The following RGS22 variants were observed in gnomAD, a reference collection of about 807,000 sequenced individuals.
RGS22 encodes regulator of G protein signaling 22.
RGS22 carries 148 observed loss-of-function variants against 172.9 expected under a neutral mutation model. The observed-to-expected ratio is 0.86, with a 90% CI of 0.75 to 0.98. The LOEUF is 0.98. RGS22 is among the 50% of genes least tolerant of loss of function. The probability of loss-of-function intolerance (pLI) is 0.00; values close to 1 mark genes in which losing one functional copy is unlikely to be tolerated. For synonymous variants in RGS22, 458 were observed against 480.2 expected, an observed-to-expected ratio of 0.95 and a Z score of 0.60; for missense variants, 1,347 against 1,440.8, an observed-to-expected ratio of 0.93 and a Z score of 1.05.
At chr8:100,089,672 T>A (rs1023284853) in intron 3 of RGS22, among the ~76,000 whole-genome samples, 2 of 152,096 alleles carry the variant, frequency 1.3e-5, no homozygotes, top group African/African-American at 4.8e-5. Flanking sequence ...AAAGAAACAT[T>A]TATTGAGTGC....
At position 100,075,900 on chromosome 8, in the gene RGS22, C is replaced by CT. The variant is rs138402084; in HGVS notation, c.340-3671dup. The stretch of plus-strand genomic sequence containing the variant: ...TCACAAACGTTTGTTATTATTTGCC[C>CT]TTTTTTTTTTAATCATAGCCATCGT... On this transcript the variant is annotated intron_variant, in intron 4 of 27. Transcript: ENST00000360863. 5.4e-3 allele frequency among the ~76,000 whole-genome samples: 794 copies of CT among 148,356 alleles called. 5 individuals carry two copies. The highest frequency in any genetic ancestry group is 0.018 in the African/African-American group (713 of 40,530).
intron 2 of RGS22, among the ~76,000 whole-genome samples, chr8:100,101,711 T>A (rs1813506710): frequency 6.6e-6 from 1 of 151,878 alleles, no homozygotes; most frequent in Admixed American, 6.6e-5. Flanking sequence ...AACAAACAAA[T>A]AATTTATTCT....
At chr8:99,966,590 G>A (rs1588863839) in intron 23 of RGS22, among the ~76,000 whole-genome samples, 1 of 152,066 alleles carries the variant, frequency 6.6e-6, no homozygotes, top group African/African-American at 2.4e-5. Context: ...GATGAGTAAA[G>A]AAGAGACACA....
At chr8:100,069,788 A>G (rs1201709618) in intron 6 of RGS22, among the ~76,000 whole-genome samples, 1 of 152,102 alleles carries the variant, frequency 6.6e-6, no homozygotes, top group East Asian at 1.9e-4. Context: ...TTCTAACTAC[A>G]TTTCAAATTA....
In RGS22 at chr8:99,972,006, A is replaced by T. The variant is rs141156725; in HGVS notation, c.3519+5911T>A. 1.8e-3 allele frequency among the ~76,000 whole-genome samples: 274 copies of T among 152,328 alleles called. 1 individual carries two copies. Among genetic ancestry groups the T allele is most frequent in the African/African-American group, 6.3e-3 (260 of 41,578 alleles). On this transcript the variant is annotated intron_variant, in intron 23 of 27. Coordinates refer to ENST00000360863, the MANE Select transcript of RGS22 (RefSeq NM_015668.5). ...ACTACCTGACTTCAAACTATACTAC[A>T]TGGCTACAATAATAAAAACAGCATG...
At chr8:100,034,424 C>T (rs1819209450) in intron 14 of RGS22, among the ~76,000 whole-genome samples, 1 of 152,126 alleles carries the variant, frequency 6.6e-6, no homozygotes, top group Non-Finnish European at 1.5e-5. Context: ...TGAAGGACCT[C>T]TTCAAGGAGA....
At position 100,002,215 on chromosome 8, in the gene RGS22, T is replaced by A; in HGVS notation, c.2777A>T (p.Tyr926Phe). 2 of 1,588,986 alleles carry A rather than the reference T, an allele frequency of 1.3e-6. No homozygotes were observed. The highest frequency in any genetic ancestry group is 1.7e-6 in the Non-Finnish European group (2 of 1,172,250). The change falls in exon 18 of 28, where the codon TAT (tyrosine) becomes TTT (phenylalanine). Residue 926 changes from tyrosine (Y) to phenylalanine (F), a missense_variant. Tyr to Phe is a conservative substitution (Grantham distance 22, BLOSUM62 3). Coordinates refer to ENST00000360863, the MANE Select transcript of RGS22 (RefSeq NM_015668.5). ...GCATGTTGATACCTGGTTCTGCTGATACAGAGAAGCTGGACTGTTGGGTCC... is the reference window on the plus strand; with the variant it reads ...GCATGTTGATACCTGGTTCTGCTGAAACAGAGAAGCTGGACTGTTGGGTCC... Reference protein sequence around the residue: ...FFGPNSPASLYQQNQVMHLSG... With the variant: ...FFGPNSPASLFQQNQVMHLSG...
chr8:100,018,989 C>A (rs200116923), intron 14 of RGS22, among the ~76,000 whole-genome samples: 185 of 146,756 alleles, frequency 1.3e-3, no homozygotes, highest in Non-Finnish European at 1.2e-3. Context: ...ATGTCAAAAG[C>A]AAAAAAAAAA....
At chr8:99,981,382 G>A (rs915168360) in intron 22 of RGS22, among the ~76,000 whole-genome samples, 23 of 152,122 alleles carry the variant, frequency 1.5e-4, no homozygotes, top group African/African-American at 5.5e-4. Flanking sequence ...CAAATCTTGG[G>A]ACACACATAT....
intron 23 of RGS22, among the ~76,000 whole-genome samples, chr8:99,976,971 C>G (rs1177881339): frequency 2.6e-5 from 4 of 151,888 alleles, no homozygotes; most frequent in African/African-American, 9.7e-5. Flanking sequence ...GCAATTACCC[C>G]TTCTTAATTA....
chr8:99,986,198 C>A (rs1249564759), intron 21 of RGS22, among the ~76,000 whole-genome samples: 2 of 152,068 alleles, frequency 1.3e-5, no homozygotes, highest in Non-Finnish European at 2.9e-5. Flanking sequence ...CTACTGTACT[C>A]CAGCCTGGGC....
chr8:100,014,041 C>T (rs1487131341), intron 14 of RGS22, among the ~76,000 whole-genome samples: 1 of 152,218 alleles, frequency 6.6e-6, no homozygotes, highest in Non-Finnish European at 1.5e-5. Flanking sequence ...ATGCTCCCAA[C>T]TGTATTCTTA....
At position 100,105,639 on chromosome 8, in the gene RGS22, AC is replaced by A; in HGVS notation, c.26-238del. 5.1e-6 allele frequency: 3 copies of A among 585,896 alleles called. No homozygotes were observed. The East Asian group carries it at 8.9e-5, about 17-fold the overall frequency. 36.3% of individuals were successfully genotyped at this position (585,896 alleles called of 1,614,324 possible). A position where few individuals can be genotyped will look rare whatever the true frequency, so the allele number is the denominator to read the frequency against. On this transcript the variant is annotated intron_variant, in intron 1 of 27. Coordinates refer to ENST00000360863, the MANE Select transcript of RGS22 (RefSeq NM_015668.5). ...ACTAATTCACTGTGACCCAGGAGTT[AC>A]CCTTCTTCATAGACGGAACCCTCTA...
At chr8:100,105,283 G>A (rs979968578) in intron 2 of RGS22, 91 bp downstream of exon 2, 3 of 1,038,686 alleles carry the variant, frequency 2.9e-6, no homozygotes, top group Admixed American at 3.9e-5. Flanking sequence ...CAAAAAGGAG[G>A]AAAGAAAACA....
rs116628993 is a variant in RGS22, at chr8:100,072,078, G to C, written c.425+67C>G. 1,870 of 930,926 alleles carry C rather than the reference G, an allele frequency of 2.0e-3. 27 individuals carry two copies. The African/African-American group carries it at 0.027, about 14-fold the overall frequency. 57.7% of individuals were successfully genotyped at this position (930,926 alleles called of 1,614,324 possible). On this transcript the variant is annotated intron_variant, in intron 5 of 27. Coordinates refer to ENST00000360863, the MANE Select transcript of RGS22 (RefSeq NM_015668.5). ...CCACACATGGTGGCATACAGCTGTA[G>C]TCCTAGCAAATTGGGAGGCTAATAT...
In RGS22 at chr8:100,008,541, G is replaced by A; in HGVS notation, c.2195C>T (p.Ser732Phe). Residue 732 changes from serine to phenylalanine, a missense_variant, in exon 15 of 28, where the codon TCT becomes TTT. Coordinates refer to ENST00000360863, the MANE Select transcript of RGS22 (RefSeq NM_015668.5). Reference sequence around the variant, plus strand: ...TTGGAGTCCAATGTCAAGAGTGGCAGAAGGAGCAACGTATGTGGCAAAAAG... The same window carrying A: ...TTGGAGTCCAATGTCAAGAGTGGCAAAAGGAGCAACGTATGTGGCAAAAAG... ...QYLFATYVAPSATLDIGLQQE... is the reference protein window; with the variant it reads ...QYLFATYVAPFATLDIGLQQE... 6.2e-7 allele frequency: 1 copy of A among 1,610,808 alleles called. No individual in the cohort carries two copies. Among genetic ancestry groups the A allele is most frequent in the Non-Finnish European group, 8.5e-7 (1 of 1,179,266 alleles).
At chr8:100,072,510 G>A (rs1811062521) in intron 4 of RGS22, among the ~76,000 whole-genome samples, 1 of 151,958 alleles carries the variant, frequency 6.6e-6, no homozygotes, top group Non-Finnish European at 1.5e-5. Flanking sequence ...TAAGTAACTT[G>A]TTGAAGGAGG....
intron 4 of RGS22, among the ~76,000 whole-genome samples, chr8:100,073,954 C>G (rs889412430): frequency 2.6e-5 from 4 of 152,004 alleles, no homozygotes; most frequent in Admixed American, 6.6e-5. Flanking sequence ...TAACTAAATA[C>G]AAAGACCAAA....
chr8:100,038,900 T>C, intron 14 of RGS22, 31 bp downstream of exon 14: 1 of 1,426,994 alleles, frequency 7.0e-7, no homozygotes, highest in Non-Finnish European at 9.8e-7. Flanking sequence ...ACTTAGTGCT[T>C]CACATTGAAC....
Sources: allele counts gnomAD v4.1 joint callset (sites outside exome capture counted in the v4.1 genomes callset), GRCh38; gene constraint gnomAD v4.1.1; transcripts MANE v1.5; gene names NCBI Gene and HGNC (gene_info 2026-07-23, HGNC 2026-07-21).